Variants in SOX5 observed in about 807,000 individuals in gnomAD.
SOX5 encodes the protein transcription factor SOX-5.
Under a neutral mutation model 92.0 loss-of-function variants are expected in SOX5, and 9 were observed. The ratio of observed to expected loss-of-function variants is 0.10; its 90% CI spans 0.06 to 0.17. The LOEUF is 0.17. Ranked by LOEUF, SOX5 falls within the 10% of genes least tolerant of loss-of-function variation. The probability of loss-of-function intolerance (pLI) is 1.00; values close to 1 mark genes in which losing one functional copy is unlikely to be tolerated. For missense variants in SOX5, 642 were observed against 944.5 expected (o/e 0.68, Z 4.20); for synonymous variants, 344 against 336.3 (o/e 1.02, Z -0.25).
rs1555115099 is a variant in SOX5, at chr12:23,530,823, G to GCGCGCGCA, written c.*3395_*3396insTGCGCGCG. ...AGTGTGTGTGTGTGTGTGTGTGCGC[G>GCGCGCGCA]CGCGCGCGCGCGCATGTGAGAGAGA... On this transcript the variant is annotated 3_prime_UTR_variant, in exon 15 of 15. Coordinates refer to ENST00000451604, the MANE Select transcript of SOX5 (RefSeq NM_006940.6). 5 of 139,318 alleles carry GCGCGCGCA rather than the reference G, an allele frequency of 3.6e-5. No homozygotes were observed. The highest frequency in any genetic ancestry group is 2.1e-4 in the East Asian group (1 of 4,662). The allele number at this position is 139,318 out of a possible 1,614,324, so 8.6% of individuals were successfully genotyped here. A position where few individuals can be genotyped will look rare whatever the true frequency, so the allele number is the denominator to read the frequency against.
intron 4 of SOX5, among the ~76,000 whole-genome samples, chr12:24,039,705 T>C (rs1274168765): frequency 1.3e-5 from 2 of 152,198 alleles, no homozygotes; most frequent in Non-Finnish European, 2.9e-5. Context: ...TCCTACAGTA[T>C]ATACATATTC....
chr12:23,667,564 G>A (rs2084018921), intron 6 of SOX5, among the ~76,000 whole-genome samples: 1 of 152,126 alleles, frequency 6.6e-6, no homozygotes, highest in Non-Finnish European at 1.5e-5. Flanking sequence ...TAGCCAACAT[G>A]CTAATGAGGA....
At chr12:23,654,016 T>C (rs1217828620) in intron 7 of SOX5, among the ~76,000 whole-genome samples, 3 of 152,114 alleles carry the variant, frequency 2.0e-5, no homozygotes, top group African/African-American at 7.2e-5. Context: ...GAGACAACTC[T>C]TGGCATATCA....
At chr12:24,505,418 T>C (rs950092099) in intron 1 of SOX5, among the ~76,000 whole-genome samples, 9 of 152,222 alleles carry the variant, frequency 5.9e-5, no homozygotes, top group Non-Finnish European at 1.3e-4. Context: ...TTTCTTGAGA[T>C]GTTACTGAAT....
chr12:23,676,607 CG>C (rs1566912836), intron 6 of SOX5, among the ~76,000 whole-genome samples: 1 of 152,142 alleles, frequency 6.6e-6, no homozygotes, highest in Non-Finnish European at 1.5e-5. Context: ...AAAGGAATAC[CG>C]GGGCAGAGAC....
At chr12:23,849,839 C>T (rs1050439919) in intron 2 of SOX5, among the ~76,000 whole-genome samples, 2 of 152,220 alleles carry the variant, frequency 1.3e-5, no homozygotes, top group African/African-American at 4.8e-5. Context: ...TATATTTCTA[C>T]ATGACTAATC....
chr12:23,641,713 T>C (rs1350128210), intron 7 of SOX5, among the ~76,000 whole-genome samples: 4 of 152,198 alleles, frequency 2.6e-5, no homozygotes, highest in Non-Finnish European at 5.9e-5. Context: ...ACCTGTTGCA[T>C]AGGGCCCAAT....
intron 10 of SOX5, among the ~76,000 whole-genome samples, chr12:23,569,274 C>G (rs1329212823): frequency 6.6e-6 from 1 of 152,130 alleles, no homozygotes; most frequent in Non-Finnish European, 1.5e-5. Context: ...ATTACAAACC[C>G]TCCTCTGGTA....
chr12:24,065,523 T>G (rs1466443459), intron 4 of SOX5, among the ~76,000 whole-genome samples: 1 of 151,642 alleles, frequency 6.6e-6, no homozygotes, highest in Non-Finnish European at 1.5e-5. Flanking sequence ...GGTGCACACC[T>G]GTAGTCCCAG....
intron 8 of SOX5, among the ~76,000 whole-genome samples, chr12:23,636,434 G>T (rs2079250713): frequency 6.6e-6 from 1 of 152,108 alleles, no homozygotes; most frequent in African/African-American, 2.4e-5. Context: ...TAAAATAATT[G>T]TACTTGTCTG....
At chr12:24,112,425 T>C (rs1454082564) in intron 4 of SOX5, among the ~76,000 whole-genome samples, 1 of 151,972 alleles carries the variant, frequency 6.6e-6, no homozygotes, top group East Asian at 1.9e-4. Flanking sequence ...CTCTGGTCCT[T>C]TACAGAAAAG....
chr12:24,484,195 A>G (rs1946287933), intron 1 of SOX5, among the ~76,000 whole-genome samples: 1 of 152,122 alleles, frequency 6.6e-6, no homozygotes, highest in Non-Finnish European at 1.5e-5. Context: ...ATCTTTTCTC[A>G]TAAGTCAATC....
At chr12:23,970,626 T>G (rs1948114367) in intron 4 of SOX5, among the ~76,000 whole-genome samples, 1 of 151,278 alleles carries the variant, frequency 6.6e-6, no homozygotes, top group African/African-American at 2.4e-5. Context: ...TATAATTGTT[T>G]TTTATGGCTG....
At chr12:23,893,690 T>C (rs1027425905) in intron 2 of SOX5, among the ~76,000 whole-genome samples, 8 of 152,290 alleles carry the variant, frequency 5.3e-5, no homozygotes, top group African/African-American at 9.6e-5. Context: ...AGATACTTTC[T>C]GAAAGAGGAC....
chr12:24,507,427 TACAGATTATGGA>T (rs2138247435), intron 1 of SOX5, among the ~76,000 whole-genome samples: 1 of 149,970 alleles, frequency 6.7e-6, no homozygotes, highest in South Asian at 2.1e-4. Context: ...AGGAGACAAA[TACAGATTATGGA>T]ACACTCTATA....
chr12:23,673,355 T>A (rs2085110090), intron 6 of SOX5, among the ~76,000 whole-genome samples: 1 of 152,146 alleles, frequency 6.6e-6, no homozygotes, highest in African/African-American at 2.4e-5. Flanking sequence ...ACTATTTGTA[T>A]TACTTATTGT....
At chr12:24,243,516 C>T (rs1028976352) in intron 3 of SOX5, among the ~76,000 whole-genome samples, 3 of 152,048 alleles carry the variant, frequency 2.0e-5, no homozygotes, top group Non-Finnish European at 4.4e-5. Context: ...GATGCTATTC[C>T]AAATATAAAC....
At chr12:23,964,795 G>T (rs934191419) in intron 4 of SOX5, among the ~76,000 whole-genome samples, 1 of 152,066 alleles carries the variant, frequency 6.6e-6, no homozygotes, top group Admixed American at 6.5e-5. Flanking sequence ...ACATATATAT[G>T]GGCATCTGAT....
At chr12:23,669,978 C>T (rs953797964) in intron 6 of SOX5, among the ~76,000 whole-genome samples, 2 of 152,044 alleles carry the variant, frequency 1.3e-5, no homozygotes, top group Non-Finnish European at 2.9e-5. Flanking sequence ...TAGAAAAGAT[C>T]TGAAGGAAAA....
Sources: gnomAD v4.1 joint callset for allele counts (sites outside exome capture counted in the v4.1 genomes callset) on GRCh38, gnomAD v4.1.1 for gene constraint, MANE v1.5 for transcripts, NCBI Gene and HGNC (gene_info 2026-07-23, HGNC 2026-07-21) for gene names.